Variants in L3MBTL4 observed in about 807,000 individuals in gnomAD.
L3MBTL4 encodes the protein L3MBTL histone methyl-lysine binding protein 4, also known as lethal(3)malignant brain tumor-like protein 4.
Under a neutral mutation model 84.5 loss-of-function variants are expected in L3MBTL4, and 70 were observed. The observed-to-expected ratio is 0.83, with a 90% CI of 0.68 to 1.01. The LOEUF (loss-of-function observed/expected upper bound fraction) is 1.01. Ranked by LOEUF, L3MBTL4 falls within the 50% of genes least tolerant of loss-of-function variation. L3MBTL4 has a pLI of 0.00. For synonymous variants in L3MBTL4, 274 were observed against 259.8 expected (o/e 1.05, Z -0.52); for missense variants, 715 against 754.8 (o/e 0.95, Z 0.62).
intron 14 of L3MBTL4, among the ~76,000 whole-genome samples, chr18:6,133,326 C>T (rs2059930021): frequency 6.8e-6 from 1 of 147,682 alleles, no homozygotes; most frequent in Non-Finnish European, 1.5e-5. Context: ...GGTGTTACAG[C>T]TCTAGATCAC....
At chr18:6,124,325 G>A (rs981795999) in intron 14 of L3MBTL4, among the ~76,000 whole-genome samples, 6 of 151,450 alleles carry the variant, frequency 4.0e-5, no homozygotes, top group African/African-American at 4.9e-5. Flanking sequence ...TCGTACAAAG[G>A]AGGACATTAG....
At chr18:6,339,070 T>C (rs2052481100) in intron 1 of L3MBTL4, among the ~76,000 whole-genome samples, 1 of 152,188 alleles carries the variant, frequency 6.6e-6, no homozygotes, top group Non-Finnish European at 1.5e-5. Context: ...GACTTATCAC[T>C]ATCAATAGCT....
intron 12 of L3MBTL4, among the ~76,000 whole-genome samples, chr18:6,190,729 G>C (rs188960258): frequency 0.017 from 2,540 of 152,262 alleles, 73 homozygotes; most frequent in African/African-American, 0.058. Flanking sequence ...CATATTAAAA[G>C]TTGGTAAAAG....
At chr18:5,964,229 C>T (rs570600) in intron 17 of L3MBTL4, among the ~76,000 whole-genome samples, 26,187 of 152,200 alleles carry the variant, frequency 0.17, 2,815 homozygotes, top group African/African-American at 0.3. Context: ...AGACAGCAGT[C>T]TGGGGAGACT....
rs1198656015 is a variant in L3MBTL4, at chr18:6,356,820, T to C, written c.-90-44764A>G. 2.0e-5 allele frequency: 3 copies of C among 152,282 alleles called. No homozygotes were observed. In the East Asian group the frequency reaches 5.8e-4, roughly 29 times the overall value. The allele number at this position is 152,282 out of a possible 1,614,324, so 9.4% of individuals were successfully genotyped here. On this transcript the variant is annotated intron_variant, in intron 1 of 18. Coordinates refer to ENST00000317931, the MANE Select transcript of L3MBTL4 (RefSeq NM_001330559.2). ...CTGTATACTTAAGCTATGCCAAATT[T>C]ATTAAAAACAGTTTTTCTTTCTTCA... is the stretch of plus-strand genomic sequence containing the variant.
At chr18:6,403,259 TCC>T (rs1324713671) in intron 1 of L3MBTL4, among the ~76,000 whole-genome samples, 2 of 152,204 alleles carry the variant, frequency 1.3e-5, no homozygotes, top group Non-Finnish European at 2.9e-5. Context: ...TTCCTGTCTC[TCC>T]CAGGAATGCA....
chr18:6,062,495 A>G lies in L3MBTL4; in HGVS notation c.1444+18386T>C, dbSNP rs2057258504. On this transcript the variant is annotated intron_variant, in intron 16 of 18. Transcript: ENST00000317931. The stretch of plus-strand genomic sequence containing the variant: ...ATCCTTCTTGGTATTCTTTGTGCTT[A>G]CTGGATATGTGTTTTAGTGTCTGCC... 3.3e-5 allele frequency among the ~76,000 whole-genome samples: 5 copies of G among 152,090 alleles called. No homozygotes were observed. In the South Asian group the frequency reaches 1.0e-3, roughly 32 times the overall value.
intron 18 of L3MBTL4, among the ~76,000 whole-genome samples, chr18:5,957,242 A>G (rs1023209878): frequency 6.6e-6 from 1 of 151,596 alleles, no homozygotes. Flanking sequence ...GCTCCAGATG[A>G]ACAAGATCTG....
chr18:5,997,876 C>T (rs1245535209), intron 16 of L3MBTL4, among the ~76,000 whole-genome samples: 2 of 152,096 alleles, frequency 1.3e-5, no homozygotes, highest in African/African-American at 4.8e-5. Context: ...GTAAGTATTA[C>T]TCCACCTTAT....
intron 10 of L3MBTL4, among the ~76,000 whole-genome samples, chr18:6,216,572 A>C (rs1398383574): frequency 6.6e-6 from 1 of 151,858 alleles, no homozygotes; most frequent in Non-Finnish European, 1.5e-5. Context: ...ACATCTCTTC[A>C]GTTTATTTTA....
intron 16 of L3MBTL4, among the ~76,000 whole-genome samples, chr18:5,979,250 A>G (rs1223925038): frequency 6.6e-6 from 1 of 152,164 alleles, no homozygotes; most frequent in Admixed American, 6.5e-5. Context: ...GAGGGTCCAC[A>G]GGGGTCAACT....
intron 15 of L3MBTL4, among the ~76,000 whole-genome samples, chr18:6,092,321 C>A (rs1381301059): frequency 6.6e-6 from 1 of 152,216 alleles, no homozygotes; most frequent in Admixed American, 6.5e-5. Flanking sequence ...GAGCCAAATT[C>A]TCCGAATAAA....
chr18:6,383,313 A>G (rs1343350492), intron 1 of L3MBTL4, among the ~76,000 whole-genome samples: 1 of 151,588 alleles, frequency 6.6e-6, no homozygotes, highest in Admixed American at 6.6e-5. Context: ...TTTCCAGGAG[A>G]GTGAATGGTT....
At chr18:6,069,801 C>T (rs372329465) in intron 16 of L3MBTL4, among the ~76,000 whole-genome samples, 41 of 152,196 alleles carry the variant, frequency 2.7e-4, no homozygotes, top group South Asian at 1.9e-3. Flanking sequence ...AGATAAATAA[C>T]GGTGACTAAT....
intron 4 of L3MBTL4, among the ~76,000 whole-genome samples, chr18:6,294,151 CT>C (rs1418642050): frequency 6.6e-6 from 1 of 152,044 alleles, no homozygotes; most frequent in Non-Finnish European, 1.5e-5. Context: ...TGACAACTTA[CT>C]CTCTAATTCA....
At chr18:6,307,381 G>C (rs1050006172) in intron 3 of L3MBTL4, among the ~76,000 whole-genome samples, 3 of 149,794 alleles carry the variant, frequency 2.0e-5, no homozygotes, top group Non-Finnish European at 4.4e-5. Flanking sequence ...AGATTGCAGT[G>C]AGCCGAGATT....
At chr18:6,382,866 C>A (rs1178624123) in intron 1 of L3MBTL4, among the ~76,000 whole-genome samples, 2 of 152,214 alleles carry the variant, frequency 1.3e-5, no homozygotes, top group African/African-American at 4.8e-5. Flanking sequence ...CTGCTCTCTT[C>A]TGAGCTGCCA....
At chr18:6,386,602 A>G (rs1252123169) in intron 1 of L3MBTL4, among the ~76,000 whole-genome samples, 1 of 152,152 alleles carries the variant, frequency 6.6e-6, no homozygotes, top group Non-Finnish European at 1.5e-5. Flanking sequence ...GGAGGCCTCT[A>G]CCACAGGCGG....
At chr18:6,368,762 C>T (rs2054036521) in intron 1 of L3MBTL4, among the ~76,000 whole-genome samples, 1 of 152,178 alleles carries the variant, frequency 6.6e-6, no homozygotes, top group Non-Finnish European at 1.5e-5. Flanking sequence ...CGTCTGGAGG[C>T]TGGGTGTGGT....
Sources: allele counts gnomAD v4.1 joint callset (sites outside exome capture counted in the v4.1 genomes callset), GRCh38; gene constraint gnomAD v4.1.1; transcripts MANE v1.5; gene names NCBI Gene and HGNC (gene_info 2026-07-23, HGNC 2026-07-21).